Variants in FGF14 observed in about 807,000 individuals in gnomAD.
FGF14 encodes the protein fibroblast growth factor homologous factor 4.
FGF14 carries 5 observed loss-of-function variants against 25.5 expected under a neutral mutation model. That is an observed-to-expected ratio of 0.20 (90% CI 0.10 to 0.41). The LOEUF is 0.41. Among genes scored for constraint, FGF14 ranks in the 10% least tolerant of loss-of-function variants. The pLI is 1.00. For missense variants in FGF14, 222 were observed against 320.1 expected (o/e 0.69, Z 2.34); for synonymous variants, 138 against 118.3 (o/e 1.17, Z -1.08).
intron 1 of FGF14, among the ~76,000 whole-genome samples, chr13:101,942,342 T>C (rs575025454): frequency 3.9e-5 from 6 of 152,252 alleles, no homozygotes; most frequent in African/African-American, 1.4e-4. Flanking sequence ...GCCTGTAACA[T>C]AGGCAACTAT....
intron 3 of FGF14, among the ~76,000 whole-genome samples, chr13:101,856,391 C>G (rs1310147457): frequency 6.6e-6 from 1 of 151,796 alleles, no homozygotes; most frequent in African/African-American, 2.4e-5. Context: ...ATATCTATTA[C>G]TATATACCAA....
At chr13:102,205,669 A>C (rs1392253014) in intron 1 of FGF14, among the ~76,000 whole-genome samples, 1 of 151,786 alleles carries the variant, frequency 6.6e-6, no homozygotes, top group Non-Finnish European at 1.5e-5. Context: ...AGGGGTATAA[A>C]CTGCCTTCAG....
At chr13:102,059,275 G>A (rs1363827769) in intron 1 of FGF14, among the ~76,000 whole-genome samples, 1 of 152,204 alleles carries the variant, frequency 6.6e-6, no homozygotes, top group African/African-American at 2.4e-5. Flanking sequence ...ACTACCAAGT[G>A]TGGCATCTCT....
At chr13:102,187,252 T>C (rs1300983068) in intron 1 of FGF14, among the ~76,000 whole-genome samples, 3 of 152,244 alleles carry the variant, frequency 2.0e-5, no homozygotes, top group Non-Finnish European at 4.4e-5. Context: ...ATGCATAGAT[T>C]ACTTTTTTAG....
intron 1 of FGF14, among the ~76,000 whole-genome samples, chr13:101,936,675 T>C (rs570938752): frequency 6.6e-6 from 1 of 152,336 alleles, no homozygotes; most frequent in African/African-American, 2.4e-5. Flanking sequence ...CTTCCTAAAG[T>C]TCTCTTATTT....
chr13:102,157,085 A>C (rs543353314), intron 1 of FGF14, among the ~76,000 whole-genome samples: 1 of 152,334 alleles, frequency 6.6e-6, no homozygotes, highest in South Asian at 2.1e-4. Context: ...ATACTGCCCA[A>C]GGTCATTTAC....
At chr13:101,981,410 G>A (rs2038255923) in intron 1 of FGF14, among the ~76,000 whole-genome samples, 1 of 152,132 alleles carries the variant, frequency 6.6e-6, no homozygotes, top group South Asian at 2.1e-4. Context: ...CCAGCACCTT[G>A]ATCTTAAACT....
chr13:101,875,132 T>C, intron 2 of FGF14, 54 bp downstream of exon 2: 1 of 1,150,974 alleles, frequency 8.7e-7, no homozygotes, highest in Non-Finnish European at 1.3e-6. Context: ...GTCATTTAAG[T>C]AGCAGTGTAT....
At chr13:102,280,524 A>G (rs2053775935) in intron 1 of FGF14, among the ~76,000 whole-genome samples, 1 of 152,192 alleles carries the variant, frequency 6.6e-6, no homozygotes, top group South Asian at 2.1e-4. Flanking sequence ...GCAATGGAAC[A>G]GGATGTTTGA....
intron 1 of FGF14, among the ~76,000 whole-genome samples, chr13:102,233,570 T>C (rs929690734): frequency 1.3e-5 from 2 of 152,210 alleles, no homozygotes; most frequent in Non-Finnish European, 2.9e-5. Context: ...TAGGAAGAGC[T>C]TGAATTAAAT....
At chr13:102,104,747 C>T (rs1486994103) in intron 1 of FGF14, among the ~76,000 whole-genome samples, 1 of 152,144 alleles carries the variant, frequency 6.6e-6, no homozygotes, top group African/African-American at 2.4e-5. Context: ...GATCTTGCCA[C>T]TGCACTCCAG....
intron 1 of FGF14, among the ~76,000 whole-genome samples, chr13:101,904,667 C>A (rs1414003817): frequency 1.3e-5 from 2 of 152,144 alleles, no homozygotes; most frequent in Non-Finnish European, 2.9e-5. Flanking sequence ...TTAGGTTAGC[C>A]TGATTTGTTA....
chr13:102,310,636 T>C (rs2055681953), intron 1 of FGF14, among the ~76,000 whole-genome samples: 1 of 142,640 alleles, frequency 7.0e-6, no homozygotes, highest in Non-Finnish European at 1.5e-5. Context: ...TTCCTTTCTG[T>C]CTCTCTCTTC....
chr13:101,880,067 T>C (rs994660526), intron 1 of FGF14, among the ~76,000 whole-genome samples: 1 of 152,192 alleles, frequency 6.6e-6, no homozygotes, highest in African/African-American at 2.4e-5. Flanking sequence ...CCTTTATGGA[T>C]TGACCCAATG....
intron 1 of FGF14, among the ~76,000 whole-genome samples, chr13:102,121,533 T>G (rs2045724626): frequency 6.6e-6 from 1 of 152,342 alleles, no homozygotes; most frequent in South Asian, 2.1e-4. Flanking sequence ...TTATGTCCCA[T>G]GAAAATTATT....
chr13:102,063,230 AG>A (rs1457460123), intron 1 of FGF14, among the ~76,000 whole-genome samples: 1 of 152,246 alleles, frequency 6.6e-6, no homozygotes, highest in Non-Finnish European at 1.5e-5. Context: ...CTTTGGACAT[AG>A]ATACAAAATA....
intron 1 of FGF14, among the ~76,000 whole-genome samples, chr13:101,899,342 A>G (rs1390014642): frequency 1.3e-5 from 2 of 152,072 alleles, no homozygotes; most frequent in Non-Finnish European, 2.9e-5. Context: ...TACATATAGG[A>G]GTTAACAGAC....
At chr13:101,770,119 T>C (rs940035603) in intron 3 of FGF14, among the ~76,000 whole-genome samples, 11 of 120,366 alleles carry the variant, frequency 9.1e-5, no homozygotes, top group African/African-American at 2.9e-4. Flanking sequence ...AAGAGTGCTG[T>C]AAAAACATAA....
intron 1 of FGF14, among the ~76,000 whole-genome samples, chr13:102,324,466 C>G (rs1005783035): frequency 6.6e-6 from 1 of 152,186 alleles, no homozygotes; most frequent in African/African-American, 2.4e-5. Context: ...ACATGCTGGG[C>G]GCTATGCATC....
Sources: allele counts gnomAD v4.1 joint callset (sites outside exome capture counted in the v4.1 genomes callset), GRCh38; gene constraint gnomAD v4.1.1; transcripts MANE v1.5; gene names NCBI Gene and HGNC (gene_info 2026-07-23, HGNC 2026-07-21).